The following LIMK2 variants were observed in gnomAD, a reference collection of about 807,000 sequenced individuals.
The protein encoded by LIMK2 is LIM domain kinase 2.
A neutral mutation model predicts 75.7 loss-of-function variants in LIMK2; 35 were observed. The observed-to-expected ratio is 0.46, with a 90% CI of 0.35 to 0.61. The LOEUF is 0.61. LIMK2 is among the 20% of genes least tolerant of loss of function. The pLI, the probability that LIMK2 is intolerant of heterozygous loss-of-function variation, is 0.00. For missense variants in LIMK2, 623 were observed against 831.0 expected (o/e 0.75, Z 3.08); for synonymous variants, 301 against 319.2 (o/e 0.94, Z 0.61).
intron 2 of LIMK2, among the ~76,000 whole-genome samples, chr22:31,246,183 GCACACACACACA>G (rs57524309): frequency 2.2e-5 from 3 of 134,994 alleles, no homozygotes; most frequent in African/African-American, 8.1e-5. Flanking sequence ...ACGCACGCAC[GCACACACACACA>G]CACACACACA....
At chr22:31,235,869 A>G (rs981087303) in intron 2 of LIMK2, among the ~76,000 whole-genome samples, 2 of 152,212 alleles carry the variant, frequency 1.3e-5, no homozygotes, top group Non-Finnish European at 2.9e-5. Flanking sequence ...AAGTAATGAA[A>G]GCAGTATTGT....
intron 13 of LIMK2, 112 bp from the exon 14 acceptor site, chr22:31,273,340 A>G: frequency 1.0e-6 from 1 of 957,704 alleles, no homozygotes; most frequent in Non-Finnish European, 1.7e-6. Context: ...GGGTGTCCCT[A>G]CAGAACCTGT....
In LIMK2 at chr22:31,262,141, C is replaced by T. The variant is rs773495668; in HGVS notation, c.559C>T (p.Arg187Trp). The T allele has an allele frequency of 8.7e-6, 14 of 1,613,780 alleles. No homozygotes were observed. Among genetic ancestry groups the T allele is most frequent in the East Asian group, 2.2e-5 (1 of 44,894 alleles). Residue 187 changes from arginine (R) to tryptophan (W), a missense_variant, in exon 6 of 16, where the codon CGG becomes TGG. Physicochemically the swap from Arg to Trp is moderately radical, Grantham distance 101. Transcript: ENST00000331728. This position sits in a 1 kb window ranked among gnomAD's most constrained non-coding sequence, Gnocchi z 5.0. ...AACTCTTGTCTGGCCCAGGGTCAAC[C>T]GGATGCACATCAGTCCCAACAATCG... ...ATTVQVKEVNRMHISPNNRNA... is the reference protein window; with the variant it reads ...ATTVQVKEVNWMHISPNNRNA...
In LIMK2 at chr22:31,267,076, A is replaced by G. The variant is rs746527421; in HGVS notation, c.1128+6A>G. 2.0e-5 allele frequency: 32 copies of G among 1,572,792 alleles called. No homozygotes were observed. In the African/African-American group the frequency reaches 2.8e-4, roughly 14 times the overall value. ...AGAAAACTTTTCTGACTGAGGTAAG[A>G]AGATGGAGGGGGCCCGGGAGGTTGG... On this transcript the variant is annotated splice_donor_region_variant and intron_variant, in intron 9 of 15. Transcript: ENST00000331728.
At chr22:31,213,591 A>C (rs2048365868) in intron 1 of LIMK2, among the ~76,000 whole-genome samples, 1 of 152,118 alleles carries the variant, frequency 6.6e-6, no homozygotes, top group African/African-American at 2.4e-5. Context: ...GGAGAGAGCT[A>C]GGGGTGGAAA....
At chr22:31,242,588 A>T (rs1181689535) in intron 2 of LIMK2, among the ~76,000 whole-genome samples, 1 of 152,120 alleles carries the variant, frequency 6.6e-6, no homozygotes, top group East Asian at 1.9e-4. Context: ...AACACATTTC[A>T]TGTGACTTGG....
At chr22:31,216,662 G>T (rs1379582577) in intron 1 of LIMK2, among the ~76,000 whole-genome samples, 2 of 152,122 alleles carry the variant, frequency 1.3e-5, no homozygotes, top group East Asian at 3.9e-4. Flanking sequence ...GCAGGGTAGG[G>T]TCCAAAATGA....
intron 2 of LIMK2, among the ~76,000 whole-genome samples, chr22:31,247,354 A>G (rs760719609): frequency 2.6e-5 from 4 of 152,126 alleles, no homozygotes; most frequent in Non-Finnish European, 5.9e-5. Context: ...CATTCCAGAT[A>G]CCTAGGCTTA....
In LIMK2 at chr22:31,225,729, T is replaced by A. The variant is rs1413964832; in HGVS notation, c.26T>A (p.Val9Asp). The change falls in exon 2 of 16, where the codon GTC (valine) becomes GAC (aspartate). Residue 9 changes from valine to aspartate, a missense_variant. By Grantham distance (152) the Val-to-Asp change is radical. Transcript: ENST00000331728. MSALAGED[V>D]WRCPGCGDHI... Reference sequence around the variant, plus strand: ...TTGGTTTTGTGTGCAGGTGAAGATGTCTGGAGGTGTCCAGGCTGTGGGGAC... The same window carrying A: ...TTGGTTTTGTGTGCAGGTGAAGATGACTGGAGGTGTCCAGGCTGTGGGGAC... The A allele has an allele frequency of 2.0e-5, 33 of 1,613,804 alleles. No homozygotes were observed. The highest frequency in any genetic ancestry group is 4.0e-5 in the African/African-American group (3 of 74,934).
At chr22:31,228,619 A>G (rs1309229855) in intron 2 of LIMK2, among the ~76,000 whole-genome samples, 1 of 152,172 alleles carries the variant, frequency 6.6e-6, no homozygotes, top group Non-Finnish European at 1.5e-5. Flanking sequence ...AGTGGCTAGC[A>G]TAGCATCTGA....
At chr22:31,267,636 C>A in intron 9 of LIMK2, 140 bp from the exon 10 acceptor site, 1 of 895,238 alleles carries the variant, frequency 1.1e-6, no homozygotes, top group Non-Finnish European at 1.7e-6. Flanking sequence ...TCATCCTGAT[C>A]TTAGTGCCCT....
intron 2 of LIMK2, 93 bp downstream of exon 2, chr22:31,225,912 T>A: frequency 1.0e-6 from 1 of 972,950 alleles, no homozygotes; most frequent in Non-Finnish European, 1.6e-6. Context: ...AGCTTCTGAG[T>A]TGAGAATTTC....
chr22:31,218,328 A>G lies in LIMK2; in HGVS notation c.16+5904A>G, dbSNP rs533284201. Among the ~76,000 whole-genome samples, 4 of 152,318 alleles carry G rather than the reference A, an allele frequency of 2.6e-5. No individual in the cohort carries two copies. In the East Asian group the frequency reaches 7.7e-4, roughly 29 times the overall value. On this transcript the variant is annotated intron_variant, in intron 1 of 15. Coordinates refer to ENST00000331728, the MANE Select transcript of LIMK2 (RefSeq NM_005569.4). ...CATTTACCCCTCACAAATTTTTCCA[A>G]ATAAACCAAAGAAGGGAAGAAGAGA... is the stretch of plus-strand genomic sequence containing the variant.
chr22:31,238,837 C>G (rs185832374), intron 2 of LIMK2, among the ~76,000 whole-genome samples: 1 of 152,122 alleles, frequency 6.6e-6, no homozygotes. Flanking sequence ...CCCTGCCAGA[C>G]GAGGGCTTTT....
intron 7 of LIMK2, among the ~76,000 whole-genome samples, chr22:31,263,752 C>T (rs2048864591): frequency 6.6e-6 from 1 of 152,184 alleles, no homozygotes; most frequent in Non-Finnish European, 1.5e-5. Flanking sequence ...AATCCCAGCA[C>T]TTTGGGAGGC....
At chr22:31,218,043 A>C (rs535809964) in intron 1 of LIMK2, among the ~76,000 whole-genome samples, 1 of 152,300 alleles carries the variant, frequency 6.6e-6, no homozygotes, top group Non-Finnish European at 1.5e-5. Context: ...ATTCAGCTTA[A>C]CCTTTTCCCC....
intron 2 of LIMK2, among the ~76,000 whole-genome samples, chr22:31,235,631 C>T (rs2048567182): frequency 6.6e-6 from 1 of 152,102 alleles, no homozygotes; most frequent in Non-Finnish European, 1.5e-5. Context: ...AATTTCAATT[C>T]CAATCGTAAG....
chr22:31,232,476 A>C (rs1035857015), intron 2 of LIMK2, among the ~76,000 whole-genome samples: 1 of 152,260 alleles, frequency 6.6e-6, no homozygotes, highest in African/African-American at 2.4e-5. Context: ...GCAGCAGCAC[A>C]TGGCAACATT....
rs749866123 is a variant in LIMK2, at chr22:31,262,692, G to A, written c.755G>A (p.Arg252Gln). Reference protein sequence around the residue: ...QRLDQLRLEARLAPHMQNAGH... With the variant: ...QRLDQLRLEAQLAPHMQNAGH... ...CTGGACCAGCTGCGGCTGGAGGCCC[G>A]GCTCGCTCCTCACATGCAGAATGCC... Residue 252 changes from arginine (R) to glutamine (Q), a missense_variant, in exon 7 of 16, where the codon CGG becomes CAG. Arg to Gln is a conservative substitution (Grantham distance 43). Transcript: ENST00000331728. The surrounding 1 kb of genome is among the most constrained non-coding windows in gnomAD (Gnocchi z 5.0). 2.7e-5 allele frequency: 44 copies of A among 1,614,006 alleles called. 1 individual carries two copies. Among genetic ancestry groups the A allele is most frequent in the South Asian group, 8.8e-5 (8 of 91,094 alleles).
Sources: gnomAD v4.1 joint callset for allele counts (sites outside exome capture counted in the v4.1 genomes callset) on GRCh38, gnomAD v4.1.1 for gene constraint, Gnocchi (gnomAD v3.1) non-coding constraint, MANE v1.5 for transcripts, NCBI Gene and HGNC (gene_info 2026-07-23, HGNC 2026-07-21) for gene names.